Variants in PDE4DIP observed in about 807,000 individuals in gnomAD.
PDE4DIP encodes the protein myomegalin.
PDE4DIP carries 59 observed loss-of-function variants against 221.4 expected under a neutral mutation model. The ratio of observed to expected loss-of-function variants is 0.27; its 90% CI spans 0.22 to 0.33. The LOEUF is 0.33. Ranked by LOEUF, PDE4DIP falls within the 10% of genes least tolerant of loss-of-function variation. PDE4DIP has a pLI of 1.00. For missense variants in PDE4DIP, 1,036 were observed against 2,154.2 expected (o/e 0.48, Z 10.28); for synonymous variants, 404 against 815.9 (o/e 0.50, Z 8.60).
At chr1:148,918,622 TACACACACAC>T (rs57116412) in intron 1 of PDE4DIP, among the ~76,000 whole-genome samples, 2 of 92,240 alleles carry the variant, frequency 2.2e-5, no homozygotes, top group Non-Finnish European at 2.2e-5. Context: ...TCTCTCTCTC[TACACACACAC>T]ACACACACAC....
intron 1 of PDE4DIP, among the ~76,000 whole-genome samples, chr1:148,913,545 G>A (rs1157073244): frequency 7.0e-6 from 1 of 143,358 alleles, no homozygotes; most frequent in Non-Finnish European, 1.5e-5. Context: ...ACAAATGCCA[G>A]TCCTGTCTGA....
chr1:148,915,063 G>C (rs1306494602), intron 1 of PDE4DIP, among the ~76,000 whole-genome samples: 1 of 150,626 alleles, frequency 6.6e-6, no homozygotes, highest in Non-Finnish European at 1.5e-5. Flanking sequence ...TGGAAAGACA[G>C]AGAATGTAAC....
chr1:148,938,211 T>G (rs587737627), intron 5 of PDE4DIP: 1 of 163,282 alleles, frequency 6.1e-6, no homozygotes, highest in African/African-American at 2.4e-5. Context: ...TCCTTCTTCA[T>G]AGCCAGCAGC....
chr1:149,014,932 T>TA (rs1443005233), intron 32 of PDE4DIP, among the ~76,000 whole-genome samples: 2 of 152,184 alleles, frequency 1.3e-5, no homozygotes, highest in African/African-American at 4.8e-5. Flanking sequence ...TGGCCTTGAT[T>TA]AAAAAGTAAG....
At chr1:149,005,829 TA>T (rs1553596931) in intron 27 of PDE4DIP, among the ~76,000 whole-genome samples, 2 of 151,804 alleles carry the variant, frequency 1.3e-5, no homozygotes, top group African/African-American at 4.8e-5. Flanking sequence ...ATATTAGGTT[TA>T]AATGAATTAA....
chr1:148,947,073 A>G (rs1553484150), intron 5 of PDE4DIP, among the ~76,000 whole-genome samples: 1 of 152,306 alleles, frequency 6.6e-6, no homozygotes, highest in Admixed American at 6.5e-5. Context: ...CCTTTTAACT[A>G]AACTGAAAGC....
At chr1:148,963,038 G>A (rs1444493325) in intron 9 of PDE4DIP, among the ~76,000 whole-genome samples, 45 of 151,914 alleles carry the variant, frequency 3.0e-4, no homozygotes, top group East Asian at 1.9e-4. Flanking sequence ...GACTACAGGC[G>A]CCCGCCACCA....
chr1:149,018,072 T>A (rs1469469215), intron 34 of PDE4DIP, among the ~76,000 whole-genome samples, 193 bp downstream of exon 37: 1 of 152,216 alleles, frequency 6.6e-6, no homozygotes, highest in Non-Finnish European at 1.5e-5. Context: ...CTACGTCTGA[T>A]GCCCAGAGTC....
chr1:149,016,611 T>C, intron 33 of PDE4DIP, 61 bp downstream of exon 36: 4 of 577,456 alleles, frequency 6.9e-6, no homozygotes, highest in Non-Finnish European at 1.2e-5. Flanking sequence ...GTCTACTCTT[T>C]TCCTACCCAG....
At chr1:149,019,625 G>C (rs1371114182) in intron 35 of PDE4DIP, 1 of 152,712 alleles carries the variant, frequency 6.5e-6, no homozygotes, top group Non-Finnish European at 1.5e-5. Context: ...TGAGAAGACA[G>C]TAAGAGATTT....
chr1:148,978,451 T>A, intron 19 of PDE4DIP, 36 bp downstream of exon 22: 1 of 1,416,466 alleles, frequency 7.1e-7, no homozygotes, highest in Non-Finnish European at 9.6e-7. Flanking sequence ...TTTATTTATT[T>A]ACATTTTTTT....
intron 2 of PDE4DIP, chr1:148,929,989 A>G (rs57112108): frequency 2.7e-5 from 4 of 150,672 alleles, no homozygotes; most frequent in Admixed American, 6.6e-5. Flanking sequence ...AGTAAGGGGG[A>G]AAAGTTGCTG....
At chr1:148,823,681 C>T (rs1669905420) in intron 1 of PDE4DIP, among the ~76,000 whole-genome samples, 2 of 150,260 alleles carry the variant, frequency 1.3e-5, no homozygotes, top group Admixed American at 6.6e-5. Flanking sequence ...TTGGCTATAT[C>T]AACCTTGACT....
At chr1:149,029,532 G>A (rs1400081000) in intron 41 of PDE4DIP, among the ~76,000 whole-genome samples, 3 of 152,092 alleles carry the variant, frequency 2.0e-5, no homozygotes, top group East Asian at 1.9e-4. Flanking sequence ...CCAGCCTGAG[G>A]CGAGGTTCTC....
At chr1:149,029,731 C>G in intron 41 of PDE4DIP, 56 bp from the exon 45 acceptor site, 1 of 844,046 alleles carries the variant, frequency 1.2e-6, no homozygotes, top group Non-Finnish European at 2.0e-6. Flanking sequence ...AGCCACAAAG[C>G]ACAGGGTGCT....
At chr1:148,914,227 A>G (rs12137151) in intron 1 of PDE4DIP, among the ~76,000 whole-genome samples, 10,459 of 121,198 alleles carry the variant, frequency 0.086, 18 homozygotes, top group Middle Eastern at 0.13. Context: ...AGTAGGAGAA[A>G]AAGTCTGGAG....
chr1:148,929,239 C>T, exon 2 of PDE4DIP: 2 of 1,613,562 alleles, frequency 1.2e-6, no homozygotes, highest in Non-Finnish European at 1.7e-6. Flanking sequence ...GAAACGAGAA[C>T]TCCAGGACAA....
intron 27 of PDE4DIP, among the ~76,000 whole-genome samples, chr1:149,006,158 C>G (rs1475987855): frequency 6.6e-6 from 1 of 151,272 alleles, no homozygotes; most frequent in Non-Finnish European, 1.5e-5. Flanking sequence ...AGAATTAATA[C>G]AAGTGCTTAG....
In PDE4DIP at chr1:149,022,610, G is replaced by A. The variant is rs587697413; in HGVS notation, c.6085+1457G>A. 2.6e-5 allele frequency among the ~76,000 whole-genome samples: 4 copies of A among 152,282 alleles called. No homozygotes were observed. In the East Asian group the frequency reaches 7.7e-4, roughly 29 times the overall value. ...AAGTACACAGTCATGGTGAGTGTTGGGTCAGTGGGACCAGCCTGACCACAG... is the reference window on the plus strand; with the variant it reads ...AAGTACACAGTCATGGTGAGTGTTGAGTCAGTGGGACCAGCCTGACCACAG... On this transcript the variant is annotated intron_variant, in intron 37 of 43. Transcript: ENST00000369354.
Sources: gnomAD v4.1 joint callset for allele counts (sites outside exome capture counted in the v4.1 genomes callset) on GRCh38, gnomAD v4.1.1 for gene constraint, MANE v1.5 for transcripts, NCBI Gene and HGNC (gene_info 2026-07-23, HGNC 2026-07-21) for gene names.